The following PRICKLE1 variants were observed in gnomAD, a reference collection of about 807,000 sequenced individuals.
PRICKLE1 encodes prickle planar cell polarity protein 1.
In PRICKLE1, 14 loss-of-function variants were observed where a neutral mutation model predicts 70.2. The ratio of observed to expected loss-of-function variants is 0.20; its 90% CI spans 0.13 to 0.31. The LOEUF (loss-of-function observed/expected upper bound fraction) is 0.31, where lower values mean the gene tolerates loss of function less well. PRICKLE1 is among the 10% of genes least tolerant of loss of function. The pLI, the probability that PRICKLE1 is intolerant of heterozygous loss-of-function variation, is 1.00. For missense variants in PRICKLE1, 821 were observed against 1,026.2 expected (o/e 0.80, Z 2.73); for synonymous variants, 357 against 379.9 (o/e 0.94, Z 0.70).
rs548856478 is a variant in PRICKLE1, at chr12:42,563,197, T to A, written c.-49+26268A>T. Among the ~76,000 whole-genome samples, 4 of 151,218 alleles carry A rather than the reference T, an allele frequency of 2.6e-5. No homozygotes were observed. In the East Asian group the frequency reaches 7.9e-4, roughly 30 times the overall value. ...GACTCTGTCTCAAAAAAAAAAAATT[T>A]TTTTTGAACAGGACAATTTTATGGT... On this transcript the variant is annotated intron_variant, in intron 1 of 7. Coordinates refer to ENST00000345127, the MANE Select transcript of PRICKLE1 (RefSeq NM_153026.3).
In PRICKLE1 at chr12:42,573,397, A is replaced by G. The variant is rs558031818; in HGVS notation, c.-49+16068T>C. Among the ~76,000 whole-genome samples the G allele has an allele frequency of 3.3e-5, 5 of 152,256 alleles. No homozygotes were observed. The East Asian group carries it at 9.7e-4, about 29-fold the overall frequency. On this transcript the variant is annotated intron_variant, in intron 1 of 7. Coordinates refer to ENST00000345127, the MANE Select transcript of PRICKLE1 (RefSeq NM_153026.3). ...ATTTATTCTTCTCTTTATTGACTCT[A>G]TGTGGCCAACTGCAATTCGGATTAT...
At chr12:42,479,508 T>G (rs1055943096) in intron 1 of PRICKLE1, among the ~76,000 whole-genome samples, 1 of 152,218 alleles carries the variant, frequency 6.6e-6, no homozygotes, top group African/African-American at 2.4e-5. Context: ...TATAACACAG[T>G]GATATAATGA....
intron 2 of PRICKLE1, among the ~76,000 whole-genome samples, chr12:42,470,896 A>C (rs961738836): frequency 1.3e-5 from 2 of 151,254 alleles, no homozygotes; most frequent in Non-Finnish European, 2.9e-5. Flanking sequence ...ACAGAGCAAG[A>C]ATCCGTCTCA....
intron 1 of PRICKLE1, among the ~76,000 whole-genome samples, chr12:42,559,638 G>C (rs1306838183): frequency 3.0e-5 from 2 of 66,506 alleles, no homozygotes; most frequent in South Asian, 6.0e-4. Context: ...TTTTTTTTTG[G>C]GGGGGGTAGA....
At chr12:42,550,607 T>C (rs1940298592) in intron 1 of PRICKLE1, among the ~76,000 whole-genome samples, 1 of 152,210 alleles carries the variant, frequency 6.6e-6, no homozygotes. Context: ...CCTATAGTAC[T>C]ACCTGAATTT....
intron 1 of PRICKLE1, among the ~76,000 whole-genome samples, chr12:42,545,916 G>C (rs536785496): frequency 4.0e-5 from 6 of 150,426 alleles, no homozygotes; most frequent in Middle Eastern, 3.4e-3. Context: ...ATATATGGAA[G>C]GAGGGAGATT....
chr12:42,556,430 C>T (rs927137952), intron 1 of PRICKLE1, among the ~76,000 whole-genome samples: 1 of 152,170 alleles, frequency 6.6e-6, no homozygotes, highest in Admixed American at 6.5e-5. Context: ...TTCATTTAAT[C>T]ATAGAATCCC....
chr12:42,583,798 A>G (rs991923000), intron 1 of PRICKLE1, among the ~76,000 whole-genome samples: 3 of 152,206 alleles, frequency 2.0e-5, no homozygotes, highest in Admixed American at 6.5e-5. Flanking sequence ...TGTTTCTGCC[A>G]GGATTGAAAG....
At chr12:42,493,317 T>C (rs995704973) in intron 1 of PRICKLE1, among the ~76,000 whole-genome samples, 1 of 152,188 alleles carries the variant, frequency 6.6e-6, no homozygotes, top group Non-Finnish European at 1.5e-5. Context: ...TGTATCAAAA[T>C]ATCTCATGTA....
At chr12:42,574,863 C>T (rs1439342933) in intron 1 of PRICKLE1, among the ~76,000 whole-genome samples, 1 of 149,310 alleles carries the variant, frequency 6.7e-6, no homozygotes, top group East Asian at 2.0e-4. Flanking sequence ...GAAAATAGTT[C>T]ATCTCCTATG....
At chr12:42,555,265 T>C (rs12827741) in intron 1 of PRICKLE1, among the ~76,000 whole-genome samples, 7,194 of 152,134 alleles carry the variant, frequency 0.047, 237 homozygotes, top group South Asian at 0.083. Context: ...GATCACGCCA[T>C]TGCACTCCAG....
intron 1 of PRICKLE1, among the ~76,000 whole-genome samples, chr12:42,540,617 C>T (rs1940095123): frequency 6.6e-6 from 1 of 152,062 alleles, no homozygotes; most frequent in African/African-American, 2.4e-5. Context: ...GGCTGGAGTA[C>T]AATAGTGTGA....
At chr12:42,518,976 G>C (rs944676680) in intron 1 of PRICKLE1, among the ~76,000 whole-genome samples, 1 of 152,076 alleles carries the variant, frequency 6.6e-6, no homozygotes, top group Non-Finnish European at 1.5e-5. Context: ...CTTGAGAATT[G>C]ATTAATTCTC....
At chr12:42,576,295 G>A (rs1940805736) in intron 1 of PRICKLE1, among the ~76,000 whole-genome samples, 1 of 152,232 alleles carries the variant, frequency 6.6e-6, no homozygotes, top group Non-Finnish European at 1.5e-5. Context: ...TAGGAAAAGA[G>A]GCAAAAGATG....
At chr12:42,460,854 AG>A (rs1937803395) in intron 7 of PRICKLE1, 189 bp from the exon 8 acceptor site, 2 of 673,234 alleles carry the variant, frequency 3.0e-6, no homozygotes, top group Admixed American at 5.2e-5. Context: ...TATTGTTATA[AG>A]GGGTGGGCAC....
chr12:42,526,243 C>CT (rs11353786), intron 1 of PRICKLE1, among the ~76,000 whole-genome samples: 13 of 150,754 alleles, frequency 8.6e-5, no homozygotes, highest in African/African-American at 2.7e-4. Context: ...AATCTTTTTT[C>CT]TTTTTTTTTT....
At chr12:42,461,039 A>G (rs1021288987) in intron 7 of PRICKLE1, among the ~76,000 whole-genome samples, 5 of 151,942 alleles carry the variant, frequency 3.3e-5, no homozygotes, top group African/African-American at 1.2e-4. Flanking sequence ...GTGCCACCAC[A>G]CCTGGCTACT....
intron 1 of PRICKLE1, among the ~76,000 whole-genome samples, chr12:42,523,450 T>G (rs1358669915): frequency 6.6e-6 from 1 of 152,230 alleles, no homozygotes; most frequent in East Asian, 1.9e-4. Flanking sequence ...ACAAACTTTT[T>G]CACACTAGTG....
rs141721384 is a variant in PRICKLE1, at chr12:42,460,954, A to T, written c.1640-289T>A. On this transcript the variant is annotated intron_variant, in intron 7 of 7. Transcript: ENST00000345127. ...TGGAGTGCAATGGCGCTATCTCGGCACACCACAATCTCCACCTCCCAGGTT... is the reference window on the plus strand; with the variant it reads ...TGGAGTGCAATGGCGCTATCTCGGCTCACCACAATCTCCACCTCCCAGGTT... 4.6e-5 allele frequency among the ~76,000 whole-genome samples: 7 copies of T among 152,160 alleles called. No homozygotes were observed. In the East Asian group the frequency reaches 1.4e-3, roughly 29 times the overall value.
Sources: gnomAD v4.1 joint callset for allele counts (sites outside exome capture counted in the v4.1 genomes callset) on GRCh38, gnomAD v4.1.1 for gene constraint, MANE v1.5 for transcripts, NCBI Gene and HGNC (gene_info 2026-07-23, HGNC 2026-07-21) for gene names.